Variants in PELP1 observed in about 807,000 individuals in gnomAD.
PELP1 encodes the protein proline, glutamate and leucine rich protein 1.
Under a neutral mutation model 95.5 loss-of-function variants are expected in PELP1, and 32 were observed. The ratio of observed to expected loss-of-function variants is 0.34; its 90% CI spans 0.25 to 0.45. The LOEUF (loss-of-function observed/expected upper bound fraction) is 0.45. Ranked by LOEUF, PELP1 falls within the 20% of genes least tolerant of loss-of-function variation. The pLI is 1.00. For synonymous variants in PELP1, 668 were observed against 600.1 expected (o/e 1.11, Z -1.65); for missense variants, 1,358 against 1,444.8 (o/e 0.94, Z 0.97).
intron 3 of PELP1, chr17:4,683,259 C>T (rs537365565): frequency 8.0e-5 from 18 of 224,762 alleles, no homozygotes; most frequent in South Asian, 5.0e-4. Flanking sequence ...CTTGCTCTGT[C>T]ACCCAGGCTG....
In PELP1 at chr17:4,680,159, C is replaced by T. The variant is rs116649139; in HGVS notation, c.642+2343G>A. The stretch of plus-strand genomic sequence containing the variant: ...CAGAATAATTACAATGATAAAATGA[C>T]ACAACACATCTTAGACACTCAGGAG... On this transcript the variant is annotated intron_variant, in intron 5 of 16. Transcript: ENST00000572293. Among the ~76,000 whole-genome samples the T allele has an allele frequency of 9.6e-3, 1,456 of 152,328 alleles. 29 individuals carry two copies. The highest frequency in any genetic ancestry group is 0.032 in the African/African-American group (1,334 of 41,564).
At chr17:4,676,543 A>C (rs1912487857) in intron 6 of PELP1, 36 bp from the exon 7 acceptor site, 1 of 1,609,838 alleles carries the variant, frequency 6.2e-7, no homozygotes, top group Admixed American at 1.7e-5. Flanking sequence ...GTCAGATGGG[A>C]ATCCAGCCCA....
At chr17:4,689,639 A>G (rs1463328535) in intron 3 of PELP1, among the ~76,000 whole-genome samples, 1 of 152,256 alleles carries the variant, frequency 6.6e-6, no homozygotes, top group Non-Finnish European at 1.5e-5. Context: ...TATATGAGAA[A>G]GACCCTTGCG....
chr17:4,699,417 A>G (rs986118669), intron 1 of PELP1, among the ~76,000 whole-genome samples: 1 of 152,214 alleles, frequency 6.6e-6, no homozygotes, highest in African/African-American at 2.4e-5. Context: ...GGAGAAGGGT[A>G]TATATTGAAA....
chr17:4,688,693 C>A (rs1912992976), intron 3 of PELP1, among the ~76,000 whole-genome samples: 1 of 152,138 alleles, frequency 6.6e-6, no homozygotes, highest in Admixed American at 6.6e-5. Flanking sequence ...TGAAAGAAAT[C>A]ACAGACGACA....
Position 4,691,439 on chromosome 17 carries a change from G to T in PELP1, c.253C>A (p.Leu85Ile), listed in dbSNP as rs1913094542. 6.2e-7 allele frequency: 1 copy of T among 1,612,472 alleles called. No homozygotes were observed. Among genetic ancestry groups the T allele is most frequent in the Non-Finnish European group, 8.5e-7 (1 of 1,178,612 alleles). The change falls in exon 2 of 17, where the codon CTT becomes ATT. Residue 85 changes from leucine to isoleucine, a missense_variant. This residue lies in a region of PELP1 where 169 missense variants were observed against 134.9 expected (regional missense o/e 1.25). Coordinates refer to ENST00000572293, the MANE Select transcript of PELP1 (RefSeq NM_014389.3). ...LHGSVGGAQN[L>I]SALGALVSLS... ...CTCACCAATGCCCCAAGAGCTGAAA[G>T]GTTCTGGAGGAAAGAAAACAGGGAA... is the stretch of plus-strand genomic sequence containing the variant.
At chr17:4,677,267 C>T (rs1912520046) in intron 5 of PELP1, among the ~76,000 whole-genome samples, 1 of 152,116 alleles carries the variant, frequency 6.6e-6, no homozygotes, top group Non-Finnish European at 1.5e-5. Flanking sequence ...AGTAAGGCAG[C>T]AAGTCTCGGA....
chr17:4,700,966 G>A (rs1308593365), intron 1 of PELP1, among the ~76,000 whole-genome samples: 1 of 32,172 alleles, frequency 3.1e-5, no homozygotes, highest in Non-Finnish European at 6.1e-5. Context: ...AAGAAAAAGA[G>A]AAAGAAAGAA....
At chr17:4,695,650 A>C (rs893545010) in intron 1 of PELP1, among the ~76,000 whole-genome samples, 1 of 135,030 alleles carries the variant, frequency 7.4e-6, no homozygotes, top group Admixed American at 8.0e-5. Flanking sequence ...TGGGCAAAAG[A>C]GTGAGACCCT....
intron 5 of PELP1, among the ~76,000 whole-genome samples, chr17:4,680,179 C>T (rs1364483781): frequency 6.6e-6 from 1 of 152,222 alleles, no homozygotes; most frequent in African/African-American, 2.4e-5. Context: ...CTTAGACACT[C>T]AGGAGAGTGA....
intron 1 of PELP1, among the ~76,000 whole-genome samples, chr17:4,695,333 T>TAAATAAAC (rs1913257431): frequency 1.3e-5 from 2 of 150,608 alleles, no homozygotes; most frequent in East Asian, 3.9e-4. Context: ...AAAAAATAAA[T>TAAATAAAC]AAATAAAATG....
Position 4,672,883 on chromosome 17 carries a change from G to T in PELP1, c.2108C>A (p.Pro703His). ...AAGGCCTAGGTGGTTGGCTGTGGTG[G>T]GAGGTCCAGGGCGTGCCGAGGGCAC... ...GPVPSARPGP[P>H]TTANHLGLSV... is the part of the protein sequence containing the mutation. Residue 703 changes from proline (P) to histidine (H), a missense_variant, in exon 16 of 17, where the codon CCC (proline) becomes CAC (histidine). Physicochemically the swap from Pro to His is moderately conservative, Grantham distance 77. This residue lies in a region of PELP1 where 340 missense variants were observed against 322.9 expected (regional missense o/e 1.05). Transcript: ENST00000572293. The T allele has an allele frequency of 6.2e-7, 1 of 1,613,926 alleles. No individual in the cohort carries two copies. Among genetic ancestry groups the T allele is most frequent in the Non-Finnish European group, 8.5e-7 (1 of 1,179,854 alleles).
At chr17:4,684,807 T>C (rs141641342) in intron 3 of PELP1, among the ~76,000 whole-genome samples, 90 of 152,304 alleles carry the variant, frequency 5.9e-4, no homozygotes, top group African/African-American at 2.0e-3. Flanking sequence ...TTCAAGCGAT[T>C]CTCCTGCCTC....
chr17:4,682,464 G>T, intron 5 of PELP1, 38 bp downstream of exon 5: 1 of 1,354,538 alleles, frequency 7.4e-7, no homozygotes, highest in Non-Finnish European at 1.1e-6. Flanking sequence ...AGCTCTCAAC[G>T]CTTACACTGG....
chr17:4,672,592 G>C lies in PELP1; in HGVS notation c.2399C>G (p.Pro800Arg). Residue 800 changes from proline (P) to arginine (R), a missense_variant, in exon 16 of 17, where the codon CCC becomes CGC. Pro to Arg is a moderately radical substitution (Grantham distance 103, BLOSUM62 -2). Around this residue, in one of 7 missense-constraint regions of PELP1, gnomAD observed 340 missense variants for 322.9 expected, o/e 1.05. Transcript: ENST00000572293. ...TGGTGTGGCACCTGAGGGTGGTGGG[G>C]GTGGCAGGGGGGGAAGCCCCTCGGG... ...IVPEGLPPLPPPPPSGATPPP... is the reference protein window; with the variant it reads ...IVPEGLPPLPRPPPSGATPPP... 6.3e-7 allele frequency: 1 copy of C among 1,594,866 alleles called. No individual in the cohort carries two copies. Among genetic ancestry groups the C allele is most frequent in the Non-Finnish European group, 8.6e-7 (1 of 1,166,978 alleles).
At chr17:4,686,196 A>G (rs973702488) in intron 3 of PELP1, among the ~76,000 whole-genome samples, 1 of 152,110 alleles carries the variant, frequency 6.6e-6, no homozygotes, top group African/African-American at 2.4e-5. Flanking sequence ...ATAGTTACTA[A>G]TGGTGCTTCT....
At chr17:4,703,594 G>GGTCA (rs1913636311) in intron 1 of PELP1, among the ~76,000 whole-genome samples, 1 of 152,072 alleles carries the variant, frequency 6.6e-6, no homozygotes, top group Non-Finnish European at 1.5e-5. Context: ...CAACTAGTGA[G>GGTCA]TGACCGGGCC....
chr17:4,687,374 C>G (rs111585141), intron 3 of PELP1, among the ~76,000 whole-genome samples: 7,628 of 152,090 alleles, frequency 0.05, 219 homozygotes, highest in Middle Eastern at 0.14. Context: ...GAAACCCCAT[C>G]TCTACGAAAA....
chr17:4,697,462 T>C (rs1332420370), intron 1 of PELP1, among the ~76,000 whole-genome samples: 2 of 152,066 alleles, frequency 1.3e-5, no homozygotes, highest in African/African-American at 4.8e-5. Context: ...TGCAGTAAGC[T>C]ATGATCGCGC....
Sources: gnomAD v4.1 joint callset for allele counts (sites outside exome capture counted in the v4.1 genomes callset) on GRCh38, gnomAD v4.1.1 for gene constraint, gnomAD v4.1.1 regional missense constraint, MANE v1.5 for transcripts, NCBI Gene and HGNC (gene_info 2026-07-23, HGNC 2026-07-21) for gene names.